The following KSR2 variants were observed in gnomAD, a reference collection of about 807,000 sequenced individuals.
KSR2 encodes the protein kinase suppressor of ras 2.
A neutral mutation model predicts 107.8 loss-of-function variants in KSR2; 25 were observed. That is an observed-to-expected ratio of 0.23 (90% CI 0.17 to 0.32). The LOEUF (loss-of-function observed/expected upper bound fraction) is 0.32, where lower values mean the gene tolerates loss of function less well. Ranked by LOEUF, KSR2 falls within the 10% of genes least tolerant of loss-of-function variation. The pLI is 1.00. For synonymous variants in KSR2, 480 were observed against 507.0 expected (o/e 0.95, Z 0.71); for missense variants, 887 against 1,268.9 (o/e 0.70, Z 4.57).
chr12:117,474,999 C>T (rs747225429), intron 17 of KSR2, among the ~76,000 whole-genome samples: 6 of 152,166 alleles, frequency 3.9e-5, no homozygotes, highest in Non-Finnish European at 8.8e-5. Context: ...TCATCAAGCT[C>T]TATTGCTTCC....
intron 5 of KSR2, among the ~76,000 whole-genome samples, chr12:117,653,444 C>G (rs527534606): frequency 6.6e-6 from 1 of 152,388 alleles, no homozygotes; most frequent in Admixed American, 6.5e-5. Flanking sequence ...GTGTCATAAT[C>G]TTATTCGGAG....
chr12:117,883,982 C>T (rs1306385243), intron 1 of KSR2, among the ~76,000 whole-genome samples: 1 of 151,880 alleles, frequency 6.6e-6, no homozygotes, highest in Non-Finnish European at 1.5e-5. Context: ...CATTCCTATG[C>T]CGTGGGGAGC....
intron 1 of KSR2, among the ~76,000 whole-genome samples, chr12:117,935,716 C>T (rs192439615): frequency 4.6e-5 from 7 of 152,220 alleles, no homozygotes; most frequent in Non-Finnish European, 8.8e-5. Context: ...GCCAAGATTG[C>T]GCTACTGCAC....
chr12:117,660,500 T>A (rs1884389400), intron 5 of KSR2, among the ~76,000 whole-genome samples: 1 of 152,152 alleles, frequency 6.6e-6, no homozygotes, highest in Admixed American at 6.5e-5. Context: ...TCTGTCCAAA[T>A]TTCCCTCTTC....
chr12:117,923,655 C>A (rs1301929925), intron 1 of KSR2, among the ~76,000 whole-genome samples: 1 of 150,382 alleles, frequency 6.6e-6, no homozygotes, highest in East Asian at 1.9e-4. Context: ...GAGATACTGT[C>A]TTAAAATATA....
chr12:117,484,432 C>T lies in KSR2; in HGVS notation c.2434G>A (p.Val812Met). Residue 812 changes from valine to methionine, a missense_variant, in exon 16 of 20, where the codon GTG becomes ATG. Physicochemically the swap from Val to Met is conservative, Grantham distance 21. Coordinates refer to ENST00000339824, the MANE Select transcript of KSR2 (RefSeq NM_173598.6). ...GCCTCTCACCTGCCAGCCTGCAGCA[C>T]CCCAGAAATGCTGAAGAGTCCAAAG... The part of the protein sequence containing the change: ...TDFGLFSISG[V>M]LQAGRREDKL... 1 of 1,613,946 alleles carries T rather than the reference C, an allele frequency of 6.2e-7. No homozygotes were observed. The highest frequency in any genetic ancestry group is 8.5e-7 in the Non-Finnish European group (1 of 1,179,836).
intron 14 of KSR2, among the ~76,000 whole-genome samples, chr12:117,499,499 C>T (rs1318339761): frequency 4.6e-5 from 7 of 152,134 alleles, no homozygotes; most frequent in African/African-American, 7.2e-5. Flanking sequence ...AACATTGAAT[C>T]GGTGGGGAAC....
At chr12:117,626,621 C>G (rs749576359) in intron 5 of KSR2, among the ~76,000 whole-genome samples, 1 of 152,136 alleles carries the variant, frequency 6.6e-6, no homozygotes, top group Non-Finnish European at 1.5e-5. Flanking sequence ...TGCTTTACTT[C>G]CAATTATGTG....
intron 5 of KSR2, among the ~76,000 whole-genome samples, chr12:117,600,821 T>C (rs1177522860): frequency 6.6e-6 from 1 of 152,072 alleles, no homozygotes; most frequent in African/African-American, 2.4e-5. Flanking sequence ...GATATCACCC[T>C]GGGGAGAGGG....
intron 4 of KSR2, chr12:117,674,285 G>A (rs548381587): frequency 5.9e-6 from 3 of 509,282 alleles, no homozygotes; most frequent in African/African-American, 5.8e-5. Flanking sequence ...CTTCTCACCT[G>A]GGCTGCCGCT....
At chr12:117,812,486 T>A (rs988846848) in intron 3 of KSR2, among the ~76,000 whole-genome samples, 2 of 152,180 alleles carry the variant, frequency 1.3e-5, no homozygotes, top group African/African-American at 4.8e-5. Flanking sequence ...GAGAGCCAAG[T>A]CCAATTCATT....
chr12:117,680,958 G>T (rs1012583254), intron 4 of KSR2, among the ~76,000 whole-genome samples: 7 of 152,100 alleles, frequency 4.6e-5, no homozygotes, highest in Non-Finnish European at 1.0e-4. Context: ...AGATAGCAAC[G>T]AGGAAATGCT....
Position 117,531,655 on chromosome 12 carries a change from A to C in KSR2, c.1729+11T>G, listed in dbSNP as rs1218451262. 1 of 1,603,768 alleles carries C rather than the reference A, an allele frequency of 6.2e-7. No individual in the cohort carries two copies. On this transcript the variant is annotated intron_variant, in intron 11 of 19. Coordinates refer to ENST00000339824, the MANE Select transcript of KSR2 (RefSeq NM_173598.6). ...TCAGAAGGGGCTGCTTCCAGCTCAC[A>C]TGAAACTCACCTGGGAAGATGAACT... is the stretch of plus-strand genomic sequence containing the variant.
At chr12:117,736,761 C>G (rs1227470290) in intron 4 of KSR2, among the ~76,000 whole-genome samples, 1 of 147,398 alleles carries the variant, frequency 6.8e-6, no homozygotes, top group Non-Finnish European at 1.5e-5. Context: ...TACAGTGAGC[C>G]AAGATTGTGC....
chr12:117,759,971 T>C (rs1258186478), intron 4 of KSR2, among the ~76,000 whole-genome samples: 1 of 152,098 alleles, frequency 6.6e-6, no homozygotes, highest in Non-Finnish European at 1.5e-5. Flanking sequence ...TAGCCAGGCG[T>C]GGTGGCACAG....
Position 117,860,447 on chromosome 12 carries a change from C to A in KSR2, c.181-16G>T. On this transcript the variant is annotated splice_polypyrimidine_tract_variant and intron_variant, in intron 1 of 19. Transcript: ENST00000339824. ...CCAGCTTGCTCTGTGGAGACACAGA[C>A]GAGGACAGAGGACACATCTCAGAGG... 1 of 1,595,458 alleles carries A rather than the reference C, an allele frequency of 6.3e-7. No homozygotes were observed.
chr12:117,728,859 T>C (rs1051818719), intron 4 of KSR2, among the ~76,000 whole-genome samples: 15 of 152,228 alleles, frequency 9.9e-5, no homozygotes, highest in Non-Finnish European at 2.2e-4. Flanking sequence ...TTGAATATCA[T>C]GAACTTTGGC....
At chr12:117,759,699 C>T (rs1888925122) in intron 4 of KSR2, among the ~76,000 whole-genome samples, 1 of 152,206 alleles carries the variant, frequency 6.6e-6, no homozygotes, top group Non-Finnish European at 1.5e-5. Flanking sequence ...TATAAATTGT[C>T]TACTCTAGGT....
intron 19 of KSR2, among the ~76,000 whole-genome samples, chr12:117,468,285 A>G (rs1470134139): frequency 6.6e-6 from 1 of 152,208 alleles, no homozygotes; most frequent in African/African-American, 2.4e-5. Flanking sequence ...CTTGCACAGC[A>G]TTTCTGCTAG....
Sources: allele counts gnomAD v4.1 joint callset (sites outside exome capture counted in the v4.1 genomes callset), GRCh38; gene constraint gnomAD v4.1.1; transcripts MANE v1.5; gene names NCBI Gene and HGNC (gene_info 2026-07-23, HGNC 2026-07-21).